DYM: variants seen among roughly 807,000 people sequenced by gnomAD.
DYM encodes dyggve-Melchior-Clausen syndrome protein.
A neutral mutation model predicts 93.1 loss-of-function variants in DYM; 78 were observed. The observed-to-expected ratio is 0.84, with a 90% CI of 0.70 to 1.01. DYM has a LOEUF of 1.01. Ranked by LOEUF, DYM falls within the 50% of genes least tolerant of loss-of-function variation. DYM has a pLI of 0.00. For synonymous variants in DYM, 321 were observed against 319.7 expected, an observed-to-expected ratio of 1.00 and a Z score of -0.04; for missense variants, 789 against 845.0, an observed-to-expected ratio of 0.93 and a Z score of 0.82.
chr18:49,416,056 T>C lies in DYM; in HGVS notation c.140+14199A>G, dbSNP rs2072953704. Reference sequence around the variant, plus strand: ...GGCACAGGACTTTCAATCATCAAGATAAAGCGGTCATCAGAAAATTGGTTA... The same window carrying C: ...GGCACAGGACTTTCAATCATCAAGACAAAGCGGTCATCAGAAAATTGGTTA... On this transcript the variant is annotated intron_variant, in intron 2 of 17. Transcript: ENST00000675505. Among the ~76,000 whole-genome samples, 4 of 152,162 alleles carry C rather than the reference T, an allele frequency of 2.6e-5. No homozygotes were observed. In the South Asian group the frequency reaches 8.3e-4, roughly 32 times the overall value.
intron 6 of DYM, among the ~76,000 whole-genome samples, chr18:49,338,189 C>T (rs1199861499): frequency 6.6e-6 from 1 of 152,108 alleles, no homozygotes; most frequent in Non-Finnish European, 1.5e-5. Context: ...AGTAGGTTAT[C>T]AAAAACAAAA....
At chr18:49,289,756 T>TACACAC (rs1368607553) in intron 8 of DYM, among the ~76,000 whole-genome samples, 2 of 47,714 alleles carry the variant, frequency 4.2e-5, no homozygotes, top group African/African-American at 1.5e-4. Flanking sequence ...TATATATATA[T>TACACAC]ATATATATAT....
chr18:49,288,811 A>C (rs969421952), intron 8 of DYM, among the ~76,000 whole-genome samples: 6 of 152,084 alleles, frequency 3.9e-5, no homozygotes, highest in African/African-American at 1.4e-4. Flanking sequence ...CAAAAACAAA[A>C]AAAAGTCAAA....
intron 17 of DYM, among the ~76,000 whole-genome samples, chr18:49,093,844 A>C (rs370801380): frequency 7.2e-5 from 11 of 152,318 alleles, no homozygotes; most frequent in African/African-American, 2.4e-4. Flanking sequence ...GCAAAGTGAA[A>C]GGTTTTAAGC....
intron 2 of DYM, among the ~76,000 whole-genome samples, chr18:49,414,705 C>T (rs1463805445): frequency 6.6e-6 from 1 of 152,192 alleles, no homozygotes; most frequent in Non-Finnish European, 1.5e-5. Context: ...AATGTCTCTG[C>T]TCAAATGCTG....
At chr18:49,118,717 A>C (rs767535457) in intron 16 of DYM, 27 bp downstream of exon 16, 1 of 1,594,278 alleles carries the variant, frequency 6.3e-7, no homozygotes, top group East Asian at 2.2e-5. Flanking sequence ...AAAAAGAATC[A>C]TAATAAATGT....
rs1488040032 is a variant in DYM at position 49,097,522 on chromosome 18, T to G, written c.1912-7A>C. 6 of 1,611,848 alleles carry G rather than the reference T, an allele frequency of 3.7e-6. No individual in the cohort carries two copies. Among genetic ancestry groups the G allele is most frequent in the Non-Finnish European group, 5.1e-6 (6 of 1,178,352 alleles). ...AGCTAAAGAAGGAGATCACCTGTAA[T>G]GTAAAGTGTTATTTTTTAAACAAGA... is the stretch of plus-strand genomic sequence containing the variant. On this transcript the variant is annotated splice_region_variant and splice_polypyrimidine_tract_variant and intron_variant, in intron 16 of 17. Coordinates refer to ENST00000675505, the MANE Select transcript of DYM (RefSeq NM_001353214.3).
intron 17 of DYM, chr18:49,048,259 T>A (rs551996198): frequency 1.3e-5 from 2 of 152,308 alleles, no homozygotes; most frequent in East Asian, 1.9e-4. Context: ...AACTCATCCA[T>A]GATAATGGAG....
chr18:49,247,328 A>T (rs1052792178), intron 13 of DYM, among the ~76,000 whole-genome samples: 9 of 152,278 alleles, frequency 5.9e-5, no homozygotes, highest in Admixed American at 3.9e-4. Context: ...TAAAAAATAT[A>T]AAAAAAGGAC....
chr18:49,129,566 A>AATT lies in DYM; in HGVS notation c.1729-10643_1729-10641dup, dbSNP rs552020243. On this transcript the variant is annotated intron_variant, in intron 15 of 17. Transcript: ENST00000675505. ...GAAGAAAGCAGCTAAAATGTTGATG[A>AATT]ATTATTAAAGGCTAATGTGTCAGTC... Among the ~76,000 whole-genome samples the AATT allele has an allele frequency of 5.3e-4, 81 of 152,346 alleles. 2 individuals are homozygous for AATT. The South Asian group carries it at 0.015, about 29-fold the overall frequency.
At chr18:49,341,281 G>A (rs973321632) in intron 6 of DYM, among the ~76,000 whole-genome samples, 4 of 152,108 alleles carry the variant, frequency 2.6e-5, no homozygotes, top group African/African-American at 7.2e-5. Flanking sequence ...ACGAGGTCAG[G>A]AGATCGAGAC....
intron 2 of DYM, among the ~76,000 whole-genome samples, chr18:49,426,760 T>C (rs964226869): frequency 3.0e-3 from 20 of 6,614 alleles, no homozygotes; most frequent in African/African-American, 0.012. Context: ...AAAACATGTG[T>C]GTGTGTGTGT....
At chr18:49,290,137 T>G (rs2060017754) in intron 8 of DYM, among the ~76,000 whole-genome samples, 1 of 151,954 alleles carries the variant, frequency 6.6e-6, no homozygotes, top group Non-Finnish European at 1.5e-5. Context: ...ATGTTTACTG[T>G]AATATTGTTT....
At chr18:49,382,110 T>C (rs1051632880) in intron 3 of DYM, among the ~76,000 whole-genome samples, 4 of 152,200 alleles carry the variant, frequency 2.6e-5, no homozygotes. Flanking sequence ...GCCTTGTAAT[T>C]GTTGAATGTA....
chr18:49,335,479 A>G (rs111339326), intron 6 of DYM, among the ~76,000 whole-genome samples: 1 of 152,228 alleles, frequency 6.6e-6, no homozygotes, highest in Non-Finnish European at 1.5e-5. Flanking sequence ...TAAAAAATTT[A>G]AAAAATAAAA....
chr18:49,159,480 T>A lies in DYM; in HGVS notation c.1728+4205A>T, dbSNP rs533549935. Reference sequence around the variant, plus strand: ...GTCAGCCAGTGATATAGTCCAGAGTTAACGGTATCTTAGAATTCCATATAG... The same window carrying A: ...GTCAGCCAGTGATATAGTCCAGAGTAAACGGTATCTTAGAATTCCATATAG... On this transcript the variant is annotated intron_variant, in intron 15 of 17. Coordinates refer to ENST00000675505, the MANE Select transcript of DYM (RefSeq NM_001353214.3). Among the ~76,000 whole-genome samples, 18 of 152,328 alleles carry A rather than the reference T, an allele frequency of 1.2e-4. No individual in the cohort carries two copies. In the South Asian group the frequency reaches 2.1e-3, roughly 18 times the overall value.
chr18:49,449,089 C>T (rs942493829), intron 1 of DYM, among the ~76,000 whole-genome samples: 2 of 152,200 alleles, frequency 1.3e-5, no homozygotes, highest in Admixed American at 6.5e-5. Flanking sequence ...ACTCTTACCT[C>T]TACAGGAAAT....
At chr18:49,265,477 C>T (rs913440267) in intron 11 of DYM, among the ~76,000 whole-genome samples, 1 of 152,172 alleles carries the variant, frequency 6.6e-6, no homozygotes, top group African/African-American at 2.4e-5. Context: ...AAATATGCCA[C>T]AGAAATATTC....
intron 11 of DYM, among the ~76,000 whole-genome samples, chr18:49,269,278 G>T (rs1025193993): frequency 2.0e-5 from 3 of 152,070 alleles, no homozygotes; most frequent in Non-Finnish European, 2.9e-5. Context: ...TCACACCAGT[G>T]TGGATAGTCA....
Sources: gnomAD v4.1 joint callset for allele counts (sites outside exome capture counted in the v4.1 genomes callset) on GRCh38, gnomAD v4.1.1 for gene constraint, MANE v1.5 for transcripts, NCBI Gene and HGNC (gene_info 2026-07-23, HGNC 2026-07-21) for gene names.